LCE3D: variants seen among roughly 807,000 people sequenced by gnomAD.
The protein encoded by LCE3D is late cornified envelope protein 3D.
For missense variants in LCE3D, 124 were observed against 121.1 expected (o/e 1.02, Z -0.11); for synonymous variants, 46 against 47.3 (o/e 0.97, Z 0.11).
rs1660183827 is a variant in LCE3D, at chr1:152,579,836, G to A, written c.101C>T (p.Ser34Phe). ...CCCAGAGCTTGGGGCACAGCCAGAG[G>A]AAGCTGGAGGCAGACACTGTACTGG... Reference protein sequence around the residue: ...KSPVQCLPPASSGCAPSSGGC... With the variant: ...KSPVQCLPPAFSGCAPSSGGC... The change falls in exon 2 of 2, where the codon TCC (serine) becomes TTC (phenylalanine). Residue 34 changes from serine to phenylalanine, a missense_variant. Physicochemically the swap from Ser to Phe is radical, Grantham distance 155. Coordinates refer to ENST00000368787, the MANE Select transcript of LCE3D (RefSeq NM_032563.2). 3.1e-6 allele frequency: 5 copies of A among 1,613,936 alleles called. No homozygotes were observed. In the East Asian group the frequency reaches 1.1e-4, roughly 36 times the overall value.
rs1660175113 is a variant in LCE3D, at chr1:152,579,472, C to T, written c.*186G>A. On this transcript the variant is annotated 3_prime_UTR_variant, in exon 2 of 2. Coordinates refer to ENST00000368787, the MANE Select transcript of LCE3D (RefSeq NM_032563.2). ...GGTACAGGGGTAAGGGAACATGTGACATCCTGGACATCAGACAGGAAGTGC... is the reference window on the plus strand; with the variant it reads ...GGTACAGGGGTAAGGGAACATGTGATATCCTGGACATCAGACAGGAAGTGC... 3.6e-6 allele frequency: 3 copies of T among 829,652 alleles called. No homozygotes were observed. The South Asian group carries it at 5.2e-5, about 15-fold the overall frequency. 51.4% of individuals were successfully genotyped at this position (829,652 alleles called of 1,614,324 possible).
In LCE3D at chr1:152,580,500, C is replaced by A; in HGVS notation, c.-53G>T. On this transcript the variant is annotated 5_prime_UTR_variant, in exon 1 of 2. In the 5' UTR this introduces an upstream ATG that the reference lacks. Transcript: ENST00000368787. Reference sequence around the variant, plus strand: ...CAGAGGAGGCAGGAGAAGGCTGTTCCTGAGGAGACGGTGGATGAGGAGCCC... The same window carrying A: ...CAGAGGAGGCAGGAGAAGGCTGTTCATGAGGAGACGGTGGATGAGGAGCCC... 6.1e-6 allele frequency: 1 copy of A among 163,472 alleles called. No individual in the cohort carries two copies. Among genetic ancestry groups the A allele is most frequent in the Non-Finnish European group, 1.3e-5 (1 of 74,398 alleles). The allele number at this position is 163,472 out of a possible 1,614,324, so 10.1% of individuals were successfully genotyped here. A position where few individuals can be genotyped will look rare whatever the true frequency, so the allele number is the denominator to read the frequency against.
Position 152,579,716 on chromosome 1 carries a change from C to T in LCE3D, c.221G>A (p.Gly74Asp). 4 of 1,613,886 alleles carry T rather than the reference C, an allele frequency of 2.5e-6. No individual in the cohort carries two copies. The highest frequency in any genetic ancestry group is 3.4e-6 in the Non-Finnish European group (4 of 1,180,028). The change falls in exon 2 of 2, where the codon GGC (glycine) becomes GAC (aspartate). Residue 74 changes from glycine to aspartate, a missense_variant. Transcript: ENST00000368787. ...AGAGCCCCCGCCTTGCTGACCACTG[C>T]CCCTGTCACAGGAGTTGGGCCTCTG... ...RRQRPNSCDR[G>D]SGQQGGGSGC...
At position 152,579,575 on chromosome 1, in the gene LCE3D, C is replaced by A; in HGVS notation, c.*83G>T. ...AAAGCCAGAAGAGGGTATCTGGGAACTCATGCATCAAGATGGGGTTTTCCT... is the reference window on the plus strand; with the variant it reads ...AAAGCCAGAAGAGGGTATCTGGGAAATCATGCATCAAGATGGGGTTTTCCT... On this transcript the variant is annotated 3_prime_UTR_variant, in exon 2 of 2. Coordinates refer to ENST00000368787, the MANE Select transcript of LCE3D (RefSeq NM_032563.2). The A allele has an allele frequency of 5.0e-6, 8 of 1,591,726 alleles. No individual in the cohort carries two copies. In the South Asian group the frequency reaches 8.0e-5, roughly 16 times the overall value.
rs1180706748 is a variant in LCE3D at position 152,579,394 on chromosome 1, A to G, written c.*264T>C. ...GGGAGACACCAGTGGTAATGAGGAC[A>G]AGGAGCTTTATTTTTTGATGAGGTC... On this transcript the variant is annotated 3_prime_UTR_variant, in exon 2 of 2. Coordinates refer to ENST00000368787, the MANE Select transcript of LCE3D (RefSeq NM_032563.2). The G allele has an allele frequency of 1.4e-5, 8 of 574,212 alleles. No homozygotes were observed. Among genetic ancestry groups the G allele is most frequent in the Non-Finnish European group, 2.1e-5 (7 of 326,158 alleles). The allele number at this position is 574,212 out of a possible 1,614,324, so 35.6% of individuals were successfully genotyped here.
chr1:152,579,516 A>T lies in LCE3D; in HGVS notation c.*142T>A. On this transcript the variant is annotated 3_prime_UTR_variant, in exon 2 of 2. Transcript: ENST00000368787. ...GAAGTGCCTTCTGGGGAGAGCTCAG[A>T]CCTTCCACAGGAAAACCCCTAGCTC... The T allele has an allele frequency of 7.5e-7, 1 of 1,333,554 alleles. No homozygotes were observed. Among genetic ancestry groups the T allele is most frequent in the Non-Finnish European group, 1.0e-6 (1 of 968,538 alleles). The allele number at this position is 1,333,554 out of a possible 1,614,324, so 82.6% of individuals were successfully genotyped here.
intron 1 of LCE3D, 79 bp from the exon 2 acceptor site, chr1:152,580,036 G>A: frequency 6.4e-7 from 1 of 1,563,436 alleles, no homozygotes; most frequent in South Asian, 1.2e-5. Flanking sequence ...TGAGGCAAGA[G>A]CTGCAGGAAG....
Position 152,579,677 on chromosome 1 carries a change from C to T in LCE3D, c.260G>A (p.Gly87Asp). Residue 87 changes from glycine (G) to aspartate (D), a missense_variant, in exon 2 of 2, where the codon GGC becomes GAC. Transcript: ENST00000368787. ...TCCAGGTCAGCAGCAGCCTCCAGAG[C>T]CATGGCCGCAGCCAGAGCCCCCGCC... The part of the protein sequence containing the change: ...QQGGGSGCGH[G>D]SGGCC The T allele has an allele frequency of 1.2e-6, 2 of 1,613,840 alleles. No individual in the cohort carries two copies. Among genetic ancestry groups the T allele is most frequent in the Non-Finnish European group, 1.7e-6 (2 of 1,180,010 alleles).
chr1:152,580,054 A>T (rs1660189891), intron 1 of LCE3D, 97 bp from the exon 2 acceptor site: 4 of 1,479,156 alleles, frequency 2.7e-6, no homozygotes, highest in Non-Finnish European at 2.8e-6. Context: ...AAGGTGAGGG[A>T]AGCTGATGTG....
rs1314663367 is a variant in LCE3D at position 152,579,893 on chromosome 1, T to C, written c.44A>G (p.Lys15Arg). The stretch of plus-strand genomic sequence containing the variant: ...TGGGGGACACTTGGGTGAGGGACAC[T>C]TGGGTGGGGGTTGGCACTGCTGCTG... Reference protein sequence around the residue: ...QNQQQCQPPPKCPSPKCPPKS... With the variant: ...QNQQQCQPPPRCPSPKCPPKS... The change falls in exon 2 of 2, where the codon AAG becomes AGG. Residue 15 changes from lysine (K) to arginine (R), a missense_variant. Physicochemically the swap from Lys to Arg is conservative, Grantham distance 26. Transcript: ENST00000368787. The C allele has an allele frequency of 2.5e-6, 4 of 1,613,818 alleles. No individual in the cohort carries two copies. In the East Asian group the frequency reaches 6.7e-5, roughly 27 times the overall value.
chr1:152,580,059 G>C (rs1660190367), intron 1 of LCE3D, 102 bp from the exon 2 acceptor site: 1 of 1,437,970 alleles, frequency 7.0e-7, no homozygotes, highest in East Asian at 2.3e-5. Context: ...GAGGGAAGCT[G>C]ATGTGGAGTT....
In LCE3D at chr1:152,579,599, CT is replaced by C. The variant is rs2101777065; in HGVS notation, c.*58del. The C allele has an allele frequency of 6.2e-7, 1 of 1,609,304 alleles. No individual in the cohort carries two copies. Among genetic ancestry groups the C allele is most frequent in the African/African-American group, 1.3e-5 (1 of 74,692 alleles). ...ACTCATGCATCAAGATGGGGTTTTC[CT>C]GGGCCCTTGGGATTCTTGTTTCCTC... is the stretch of plus-strand genomic sequence containing the variant. On this transcript the variant is annotated 3_prime_UTR_variant, in exon 2 of 2. Coordinates refer to ENST00000368787, the MANE Select transcript of LCE3D (RefSeq NM_032563.2).
At position 152,579,718 on chromosome 1, in the gene LCE3D, C is replaced by G. The variant is rs199646364; in HGVS notation, c.219G>C (p.Arg73Ser). Residue 73 changes from arginine (R) to serine (S), a missense_variant, in exon 2 of 2, where the codon AGG becomes AGC. Arg to Ser is a moderately radical substitution (Grantham distance 110). Coordinates refer to ENST00000368787, the MANE Select transcript of LCE3D (RefSeq NM_032563.2). ...AGCCCCCGCCTTGCTGACCACTGCCCCTGTCACAGGAGTTGGGCCTCTGGC... is the reference window on the plus strand; with the variant it reads ...AGCCCCCGCCTTGCTGACCACTGCCGCTGTCACAGGAGTTGGGCCTCTGGC... ...CRRQRPNSCD[R>S]GSGQQGGGSG... 4.8e-5 allele frequency: 78 copies of G among 1,613,900 alleles called. No individual in the cohort carries two copies. Among genetic ancestry groups the G allele is most frequent in the Non-Finnish European group, 6.1e-5 (72 of 1,180,032 alleles).
chr1:152,579,632 C>T lies in LCE3D; in HGVS notation c.*26G>A, dbSNP rs200494227. 4 of 1,613,370 alleles carry T rather than the reference C, an allele frequency of 2.5e-6. No individual in the cohort carries two copies. Among genetic ancestry groups the T allele is most frequent in the Non-Finnish European group, 3.4e-6 (4 of 1,179,912 alleles). Reference sequence around the variant, plus strand: ...TTGGGATTCTTGTTTCCTCCAAAATCGCTTGTCTCAGCATCAGGATCCAGG... The same window carrying T: ...TTGGGATTCTTGTTTCCTCCAAAATTGCTTGTCTCAGCATCAGGATCCAGG... On this transcript the variant is annotated 3_prime_UTR_variant, in exon 2 of 2. Transcript: ENST00000368787.
chr1:152,580,439 G>A (rs566766049), intron 1 of LCE3D, 30 bp downstream of exon 1: 2 of 178,040 alleles, frequency 1.1e-5, no homozygotes, highest in African/African-American at 2.4e-5. Context: ...AACATCCCAA[G>A]TTGAGTCCCA....
intron 1 of LCE3D, 147 bp from the exon 2 acceptor site, chr1:152,580,104 C>A: frequency 1.1e-6 from 1 of 930,050 alleles, no homozygotes; most frequent in South Asian, 1.7e-5. Flanking sequence ...ACTTTGTTCT[C>A]CACCAGGGAC....
In LCE3D at chr1:152,579,733, G is replaced by A. The variant is rs1660180576; in HGVS notation, c.204C>T (p.Pro68=). The change falls in exon 2 of 2, where the codon CCC becomes CCT. Residue 68 remains proline (P), a synonymous_variant. Coordinates refer to ENST00000368787, the MANE Select transcript of LCE3D (RefSeq NM_032563.2). ...GACCACTGCCCCTGTCACAGGAGTT[G>A]GGCCTCTGGCGCCGGCATCGGTGGT... ...RRHHRCRRQR[P]NSCDRGSGQQ... The A allele has an allele frequency of 5.6e-6, 9 of 1,613,732 alleles. No homozygotes were observed. The highest frequency in any genetic ancestry group is 7.6e-6 in the Non-Finnish European group (9 of 1,180,040).
rs1660175842 is a variant in LCE3D at position 152,579,535 on chromosome 1, C to G, written c.*123G>C. The G allele has an allele frequency of 2.7e-6, 4 of 1,492,844 alleles. No homozygotes were observed. Among genetic ancestry groups the G allele is most frequent in the South Asian group, 1.3e-5 (1 of 79,320 alleles). 92.5% of individuals were successfully genotyped at this position (1,492,844 alleles called of 1,614,324 possible). On this transcript the variant is annotated 3_prime_UTR_variant, in exon 2 of 2. Coordinates refer to ENST00000368787, the MANE Select transcript of LCE3D (RefSeq NM_032563.2). ...GCTCAGACCTTCCACAGGAAAACCC[C>G]TAGCTCAGCCTGTGAAAGCCAGAAG... is the stretch of plus-strand genomic sequence containing the variant.
Position 152,579,618 on chromosome 1 carries a change from G to A in LCE3D, c.*40C>T, listed in dbSNP as rs761118251. ...GTTTTCCTGGGCCCTTGGGATTCTT[G>A]TTTCCTCCAAAATCGCTTGTCTCAG... On this transcript the variant is annotated 3_prime_UTR_variant, in exon 2 of 2. Transcript: ENST00000368787. 4.5e-5 allele frequency: 73 copies of A among 1,612,948 alleles called. 4 individuals are homozygous for A. The Admixed American group carries it at 1.1e-3, about 25-fold the overall frequency.
Sources: gnomAD v4.1 joint callset for allele counts on GRCh38, gnomAD v4.1.1 for gene constraint, MANE v1.5 for transcripts, NCBI Gene and HGNC (gene_info 2026-07-23, HGNC 2026-07-21) for gene names.